The following KCNA2 variants were observed in gnomAD, a reference collection of about 807,000 sequenced individuals.
KCNA2 encodes the protein potassium voltage-gated channel subfamily A member 2.
A neutral mutation model predicts 33.4 loss-of-function variants in KCNA2; 11 were observed. That is an observed-to-expected ratio of 0.33 (90% confidence interval 0.21 to 0.55). The LOEUF (loss-of-function observed/expected upper bound fraction) is 0.55, where lower values mean the gene tolerates loss of function less well. Ranked by LOEUF, KCNA2 falls within the 20% of genes least tolerant of loss-of-function variation. The pLI is 0.93. For synonymous variants in KCNA2, 222 were observed against 231.3 expected (o/e 0.96, Z 0.37); for missense variants, 291 against 621.6 (o/e 0.47, Z 5.66).
chr1:110,602,358 G>A lies in KCNA2; in HGVS notation c.*925C>T, dbSNP rs1449716918. 1.4e-6 allele frequency: 2 copies of A among 1,408,110 alleles called. No individual in the cohort carries two copies. The highest frequency in any genetic ancestry group is 1.6e-5 in the South Asian group (1 of 60,780). The allele number at this position is 1,408,110 out of a possible 1,614,324, so 87.2% of individuals were successfully genotyped here. On this transcript the variant is annotated 3_prime_UTR_variant, in exon 3 of 3. Coordinates refer to ENST00000316361, the MANE Select transcript of KCNA2 (RefSeq NM_004974.4). ...CACTGTGTAGGCTACTAGGAAAATAGGTTATCTCCTGTGTTTTAAATATTG... is the reference window on the plus strand; with the variant it reads ...CACTGTGTAGGCTACTAGGAAAATAAGTTATCTCCTGTGTTTTAAATATTG...
At position 110,602,181 on chromosome 1, in the gene KCNA2, G is replaced by C. The variant is rs1478019651; in HGVS notation, c.*1102C>G. 1 of 1,550,274 alleles carries C rather than the reference G, an allele frequency of 6.5e-7. No individual in the cohort carries two copies. The highest frequency in any genetic ancestry group is 2.0e-5 in the Admixed American group (1 of 51,004). The stretch of plus-strand genomic sequence containing the variant: ...CAGAGGTCTGCGTTCCTGTTTAGAA[G>C]AACAGGGATAGGTAGGCTGGGGGGC... On this transcript the variant is annotated 3_prime_UTR_variant, in exon 3 of 3. Coordinates refer to ENST00000316361, the MANE Select transcript of KCNA2 (RefSeq NM_004974.4).
chr1:110,604,905 C>A lies in KCNA2; in HGVS notation c.-123G>T, dbSNP rs1649531127. 1.1e-6 allele frequency: 1 copy of A among 876,572 alleles called. No individual in the cohort carries two copies. The highest frequency in any genetic ancestry group is 1.8e-6 in the Non-Finnish European group (1 of 558,372). The allele number at this position is 876,572 out of a possible 1,614,324, so 54.3% of individuals were successfully genotyped here. Reference sequence around the variant, plus strand: ...TTGGCCTGGTCTCCTGCAGGAGAGCCCCGAGAGCTCTCTGAGAGCTGGAGA... The same window carrying A: ...TTGGCCTGGTCTCCTGCAGGAGAGCACCGAGAGCTCTCTGAGAGCTGGAGA... On this transcript the variant is annotated 5_prime_UTR_variant, in exon 3 of 3. Coordinates refer to ENST00000316361, the MANE Select transcript of KCNA2 (RefSeq NM_004974.4). The surrounding 1 kb of genome is among the most constrained non-coding windows in gnomAD (Gnocchi z 7.6).
chr1:110,602,831 A>G lies in KCNA2; in HGVS notation c.*452T>C. The G allele has an allele frequency of 1.0e-6, 1 of 999,976 alleles. No homozygotes were observed. The highest frequency in any genetic ancestry group is 1.2e-6 in the Non-Finnish European group (1 of 839,750). The allele number at this position is 999,976 out of a possible 1,614,324, so 61.9% of individuals were successfully genotyped here. On this transcript the variant is annotated 3_prime_UTR_variant, in exon 3 of 3. Transcript: ENST00000316361. ...TCTTTTCAATGCAAAAATGAGTATG[A>G]CCTTTTGAACAAACACCAGCTATTT...
In KCNA2 at chr1:110,600,026, C is replaced by G; in HGVS notation, c.*3257G>C. The G allele has an allele frequency of 1.0e-6, 1 of 985,100 alleles. No individual in the cohort carries two copies. The highest frequency in any genetic ancestry group is 5.2e-4 in the Middle Eastern group (1 of 1,916). The allele number at this position is 985,100 out of a possible 1,614,324, so 61.0% of individuals were successfully genotyped here. A position where few individuals can be genotyped will look rare whatever the true frequency, so the allele number is the denominator to read the frequency against. The stretch of plus-strand genomic sequence containing the variant: ...CCTGCTTGAAACCTAGGAGTTACTT[C>G]TCAGGAGTGAAATCTGGTAGTGAGA... On this transcript the variant is annotated 3_prime_UTR_variant, in exon 3 of 3. Transcript: ENST00000316361.
chr1:110,620,053 C>CGAGAGCGA (rs1433707646), intron 1 of KCNA2, among the ~76,000 whole-genome samples: 152 of 126,826 alleles, frequency 1.2e-3, no homozygotes, highest in African/African-American at 4.5e-3. Context: ...AGAGCGAGAG[C>CGAGAGCGA]GAGAGAGAGA....
chr1:110,616,966 A>G (rs1482469734), intron 1 of KCNA2, among the ~76,000 whole-genome samples: 4 of 152,272 alleles, frequency 2.6e-5, no homozygotes, highest in Admixed American at 6.5e-5. Context: ...TAAGAAGAGG[A>G]AAGCCTTCAC....
chr1:110,602,988 A>G lies in KCNA2; in HGVS notation c.*295T>C. ...ATTAGGAAGGAATGATGGCACTGAT[A>G]TGGTGCACTGTGTATGGGATATGAG... On this transcript the variant is annotated 3_prime_UTR_variant, in exon 3 of 3. Coordinates refer to ENST00000316361, the MANE Select transcript of KCNA2 (RefSeq NM_004974.4). The G allele has an allele frequency of 8.4e-7, 1 of 1,185,994 alleles. No individual in the cohort carries two copies. The highest frequency in any genetic ancestry group is 1.0e-6 in the Non-Finnish European group (1 of 958,308). 73.5% of individuals were successfully genotyped at this position (1,185,994 alleles called of 1,614,324 possible).
upstream of KCNA2, among the ~76,000 whole-genome samples, chr1:110,610,991 T>C (rs1470194287): frequency 1.3e-5 from 2 of 150,052 alleles, no homozygotes. Flanking sequence ...GCCCACCCCC[T>C]TGCTTCATAG....
rs372364243 is a variant in KCNA2 at position 110,630,009 on chromosome 1, C to CT, written c.-496+1385dup. ...AGTTAACATCTCTAAGTGCTCTGTACTTTTTTTTTTTTTTTTTTTTTTTGA... is the reference window on the plus strand; with the variant it reads ...AGTTAACATCTCTAAGTGCTCTGTACTTTTTTTTTTTTTTTTTTTTTTTTGA... On this transcript the variant is annotated intron_variant, in intron 1 of 4. Transcript: ENST00000369770. 3.4e-3 allele frequency among the ~76,000 whole-genome samples: 388 copies of CT among 115,138 alleles called. 12 individuals carry two copies. Among genetic ancestry groups the CT allele is most frequent in the African/African-American group, 0.01 (273 of 26,468 alleles). 75.5% of individuals were successfully genotyped at this position (115,138 alleles called of 152,430 possible). A position where few individuals can be genotyped will look rare whatever the true frequency, so the allele number is the denominator to read the frequency against.
rs1468889365 is a variant in KCNA2 at position 110,595,352 on chromosome 1, A to G, written c.*7931T>C. 1.1e-5 allele frequency: 11 copies of G among 985,344 alleles called. No homozygotes were observed. The highest frequency in any genetic ancestry group is 1.2e-5 in the Non-Finnish European group (10 of 829,952). 61.0% of individuals were successfully genotyped at this position (985,344 alleles called of 1,614,324 possible). Reference sequence around the variant, plus strand: ...CATGAAGTACAAGAAGTAGCCATCCAGACAGGCCACCTCAACTGCCTCAGT... The same window carrying G: ...CATGAAGTACAAGAAGTAGCCATCCGGACAGGCCACCTCAACTGCCTCAGT... On this transcript the variant is annotated 3_prime_UTR_variant, in exon 3 of 3. Coordinates refer to ENST00000316361, the MANE Select transcript of KCNA2 (RefSeq NM_004974.4).
Position 110,604,748 on chromosome 1 carries a change from G to A in KCNA2, c.35C>T (p.Ala12Val), listed in dbSNP as rs372822052. 116 of 1,613,810 alleles carry A rather than the reference G, an allele frequency of 7.2e-5. No individual in the cohort carries two copies. The highest frequency in any genetic ancestry group is 9.7e-5 in the Non-Finnish European group (115 of 1,179,934). ...CTGTGGGTGCCCAGGGAGGGCAGCAGCCTCGTCTGCTGGGTCTCCGGTGGC... is the reference window on the plus strand; with the variant it reads ...CTGTGGGTGCCCAGGGAGGGCAGCAACCTCGTCTGCTGGGTCTCCGGTGGC... Reference protein sequence around the residue: ...TVATGDPADEAAALPGHPQDT... With the variant: ...TVATGDPADEVAALPGHPQDT... The change falls in exon 3 of 3, where the codon GCT (alanine) becomes GTT (valine). Residue 12 changes from alanine to valine, a missense_variant. By Grantham distance (64) the Ala-to-Val change is moderately conservative (BLOSUM62 0). Transcript: ENST00000316361. The surrounding 1 kb of genome is among the most constrained non-coding windows in gnomAD (Gnocchi z 7.6).
At position 110,601,468 on chromosome 1, in the gene KCNA2, G is replaced by C. The variant is rs1180342750; in HGVS notation, c.*1815C>G. 4.1e-6 allele frequency: 4 copies of C among 985,672 alleles called. No individual in the cohort carries two copies. The highest frequency in any genetic ancestry group is 4.8e-6 in the Non-Finnish European group (4 of 830,104). The allele number at this position is 985,672 out of a possible 1,614,324, so 61.1% of individuals were successfully genotyped here. A position where few individuals can be genotyped will look rare whatever the true frequency, so the allele number is the denominator to read the frequency against. The stretch of plus-strand genomic sequence containing the variant: ...GGGAAGAGGTGAAAATGGAGATGAT[G>C]AACAGGATGAACTGTAGAGAGGAGG... On this transcript the variant is annotated 3_prime_UTR_variant, in exon 3 of 3. Transcript: ENST00000316361.
In KCNA2 at chr1:110,604,968, G is replaced by C; in HGVS notation, c.-163-23C>G. ...TGGCTGAAAGACAGAGGCAGTTATT[G>C]ACATGAGGCTACTCAGCATTGGCAG... On this transcript the variant is annotated intron_variant, in intron 2 of 2. Transcript: ENST00000316361. The surrounding 1 kb of genome is among the most constrained non-coding windows in gnomAD (Gnocchi z 7.6). The C allele has an allele frequency of 6.5e-6, 4 of 611,074 alleles. No homozygotes were observed. The highest frequency in any genetic ancestry group is 1.1e-5 in the Non-Finnish European group (4 of 348,848). The allele number at this position is 611,074 out of a possible 1,614,324, so 37.9% of individuals were successfully genotyped here. A position where few individuals can be genotyped will look rare whatever the true frequency, so the allele number is the denominator to read the frequency against.
Position 110,597,840 on chromosome 1 carries a change from G to C in KCNA2, c.*5443C>G. Reference sequence around the variant, plus strand: ...TTAAAAATATTCAAACACAAACTATGAGAGATGAAGCTGAGATTTGGTGGG... The same window carrying C: ...TTAAAAATATTCAAACACAAACTATCAGAGATGAAGCTGAGATTTGGTGGG... On this transcript the variant is annotated 3_prime_UTR_variant, in exon 3 of 3. Coordinates refer to ENST00000316361, the MANE Select transcript of KCNA2 (RefSeq NM_004974.4). 1.0e-6 allele frequency: 1 copy of C among 985,126 alleles called. No individual in the cohort carries two copies. Among genetic ancestry groups the C allele is most frequent in the Non-Finnish European group, 1.2e-6 (1 of 829,710 alleles). 61.0% of individuals were successfully genotyped at this position (985,126 alleles called of 1,614,324 possible). A position where few individuals can be genotyped will look rare whatever the true frequency, so the allele number is the denominator to read the frequency against.
chr1:110,600,064 GAA>G lies in KCNA2; in HGVS notation c.*3217_*3218del, dbSNP rs140986284. The G allele has an allele frequency of 5.2e-3, 5,125 of 984,978 alleles. 183 individuals carry two copies. The African/African-American group carries it at 0.076, about 15-fold the overall frequency. 61.0% of individuals were successfully genotyped at this position (984,978 alleles called of 1,614,324 possible). On this transcript the variant is annotated 3_prime_UTR_variant, in exon 3 of 3. Transcript: ENST00000316361. ...TCTGGTAGTGAGAGAAAAGAATAGA[GAA>G]AGAGATTCCTTGAAAGATCCTGGGG...
rs1463716302 is a variant in KCNA2 at position 110,599,857 on chromosome 1, AG to A, written c.*3425del. The A allele has an allele frequency of 1.0e-6, 1 of 985,302 alleles. No individual in the cohort carries two copies. Among genetic ancestry groups the A allele is most frequent in the Non-Finnish European group, 1.2e-6 (1 of 829,982 alleles). 61.0% of individuals were successfully genotyped at this position (985,302 alleles called of 1,614,324 possible). On this transcript the variant is annotated 3_prime_UTR_variant, in exon 3 of 3. Transcript: ENST00000316361. ...CTGGAAGGAAGGAAGGGTCATGGCA[AG>A]GAGGCCTATATTAGGCTACCAGCTG...
rs576490409 is a variant in KCNA2 at position 110,630,680 on chromosome 1, AAAC to A, written c.-496+712_-496+714del. 3.3e-5 allele frequency among the ~76,000 whole-genome samples: 5 copies of A among 152,352 alleles called. No homozygotes were observed. The East Asian group carries it at 9.6e-4, about 29-fold the overall frequency. On this transcript the variant is annotated intron_variant, in intron 1 of 4. Coordinates refer to the KCNA2 transcript ENST00000369770. Reference sequence around the variant, plus strand: ...GTTAAGTCATTATTATAATTGAGAAAAACAACAGACACTAAGCACCTACTTTGA... The same window carrying A: ...GTTAAGTCATTATTATAATTGAGAAAAACAGACACTAAGCACCTACTTTGA...
upstream of KCNA2, among the ~76,000 whole-genome samples, chr1:110,611,036 G>A (rs563532065): frequency 2.8e-5 from 4 of 142,540 alleles, no homozygotes; most frequent in African/African-American, 7.8e-5. Context: ...AAGGAAGGAA[G>A]GAAGGAAGGA....
intron 1 of KCNA2, among the ~76,000 whole-genome samples, chr1:110,620,426 C>T (rs1440269711): frequency 6.6e-6 from 1 of 152,182 alleles, no homozygotes; most frequent in Non-Finnish European, 1.5e-5. Context: ...AGCCAGCAAA[C>T]TCTGTCTCCC....
Sources: gnomAD v4.1 joint callset for allele counts (sites outside exome capture counted in the v4.1 genomes callset) on GRCh38, gnomAD v4.1.1 for gene constraint, Gnocchi (gnomAD v3.1) non-coding constraint, MANE v1.5 for transcripts, NCBI Gene and HGNC (gene_info 2026-07-23, HGNC 2026-07-21) for gene names.